Variants in RUNX1 observed in about 807,000 individuals in gnomAD.
RUNX1 encodes the protein runt-related transcription factor 1.
A neutral mutation model predicts 42.8 loss-of-function variants in RUNX1; 19 were observed. The observed-to-expected ratio is 0.44, with a 90% confidence interval of 0.31 to 0.65. The LOEUF is 0.65. Among genes scored for constraint, RUNX1 ranks in the 30% least tolerant of loss-of-function variants. The pLI is 0.07. For missense variants in RUNX1, 528 were observed against 672.0 expected, an observed-to-expected ratio of 0.79 and a Z score of 2.37; for synonymous variants, 271 against 289.4, an observed-to-expected ratio of 0.94 and a Z score of 0.64.
intron 2 of RUNX1, among the ~76,000 whole-genome samples, chr21:34,948,087 C>CTT (rs368333100): frequency 5.8e-5 from 8 of 137,122 alleles, no homozygotes; most frequent in African/African-American, 2.0e-4. Flanking sequence ...CAAAAGAAAT[C>CTT]TTTTTTTTTT....
intron 2 of RUNX1, among the ~76,000 whole-genome samples, chr21:34,938,263 C>T (rs1409803719): frequency 6.6e-6 from 1 of 152,182 alleles, no homozygotes; most frequent in Non-Finnish European, 1.5e-5. Flanking sequence ...TCTTCTTTCA[C>T]TGAGTCATCC....
chr21:34,868,797 A>C (rs1569069711), intron 5 of RUNX1, among the ~76,000 whole-genome samples: 1 of 152,216 alleles, frequency 6.6e-6, no homozygotes, highest in African/African-American at 2.4e-5. Context: ...TGACCGTCGT[A>C]TTTCTCATGC....
chr21:34,886,626 C>T (rs943716908), intron 4 of RUNX1, among the ~76,000 whole-genome samples: 1 of 152,262 alleles, frequency 6.6e-6, no homozygotes, highest in African/African-American at 2.4e-5. Flanking sequence ...GTTTTCAGCC[C>T]TCCTGGGAGG....
chr21:34,944,201 G>C (rs1353456288), intron 2 of RUNX1, among the ~76,000 whole-genome samples: 1 of 152,046 alleles, frequency 6.6e-6, no homozygotes, highest in Admixed American at 6.5e-5. Flanking sequence ...GTAAAGGTGG[G>C]GTCTCACTAT....
chr21:34,920,339 G>A (rs905630969), intron 2 of RUNX1, among the ~76,000 whole-genome samples: 5 of 152,134 alleles, frequency 3.3e-5, no homozygotes, highest in African/African-American at 1.2e-4. Context: ...TAGAGACGGT[G>A]ATTGTCCCAT....
intron 7 of RUNX1, among the ~76,000 whole-genome samples, chr21:34,832,240 T>C (rs1210539716): frequency 6.6e-6 from 1 of 152,196 alleles, no homozygotes; most frequent in Non-Finnish European, 1.5e-5. Flanking sequence ...CGGTCCACAA[T>C]AATGCTTTTG....
At chr21:35,009,688 A>G (rs891817445) in intron 2 of RUNX1, among the ~76,000 whole-genome samples, 3 of 152,188 alleles carry the variant, frequency 2.0e-5, no homozygotes, top group South Asian at 2.1e-4. Flanking sequence ...GGCCCTGCTC[A>G]TTCCTCTTGC....
chr21:34,906,694 A>T (rs1232026788), intron 2 of RUNX1, among the ~76,000 whole-genome samples: 1 of 152,208 alleles, frequency 6.6e-6, no homozygotes, highest in East Asian at 1.9e-4. Context: ...TCATTGAATA[A>T]GTTTCATAGA....
intron 2 of RUNX1, among the ~76,000 whole-genome samples, chr21:34,916,528 G>GTTA (rs376221602): frequency 2.0e-5 from 3 of 152,280 alleles, no homozygotes; most frequent in South Asian, 4.2e-4. Context: ...TAAGGCAAGT[G>GTTA]TTATGGGAGC....
Position 34,789,642 on chromosome 21 carries a change from C to T in RUNX1, c.*2493G>A, listed in dbSNP as rs1042354487. ...CATACAAAAATGTGTTGCGTGAGAC[C>T]TATCGCCAAAACAACTACAGTTTGA... On this transcript the variant is annotated 3_prime_UTR_variant, in exon 9 of 9. Coordinates refer to ENST00000675419, the MANE Select transcript of RUNX1 (RefSeq NM_001754.5). 4.3e-5 allele frequency: 10 copies of T among 233,354 alleles called. No individual in the cohort carries two copies. Among genetic ancestry groups the T allele is most frequent in the Middle Eastern group, 1.3e-3 (1 of 786 alleles). 14.5% of individuals were successfully genotyped at this position (233,354 alleles called of 1,614,324 possible).
intron 3 of RUNX1, chr21:34,889,831 C>A: frequency 9.0e-7 from 1 of 1,113,462 alleles, no homozygotes; most frequent in Non-Finnish European, 1.1e-6. Flanking sequence ...GAGGCTGCTC[C>A]CGTCACCATG....
intron 7 of RUNX1, chr21:34,821,431 G>C: frequency 7.5e-7 from 1 of 1,336,208 alleles, no homozygotes; most frequent in Non-Finnish European, 9.6e-7. Flanking sequence ...AGTGATTTCT[G>C]CAGGCTAACT....
At chr21:35,012,094 T>G (rs1432182807) in intron 2 of RUNX1, among the ~76,000 whole-genome samples, 1 of 152,246 alleles carries the variant, frequency 6.6e-6, no homozygotes. Context: ...TTGACTAAAG[T>G]AAATATGATC....
chr21:34,993,498 TACAC>T (rs71324340), intron 2 of RUNX1, among the ~76,000 whole-genome samples: 20,293 of 128,346 alleles, frequency 0.16, 2,045 homozygotes, highest in Admixed American at 0.24. Context: ...TGTTTGTCCC[TACAC>T]ACACACACAC....
intron 2 of RUNX1, among the ~76,000 whole-genome samples, chr21:35,000,522 G>A (rs1380046375): frequency 6.6e-6 from 1 of 152,110 alleles, no homozygotes; most frequent in Non-Finnish European, 1.5e-5. Flanking sequence ...TTACAGGCGT[G>A]AGCCACCGCA....
intron 5 of RUNX1, among the ~76,000 whole-genome samples, chr21:34,876,743 G>C (rs553047392): frequency 5.3e-5 from 8 of 152,186 alleles, no homozygotes; most frequent in Non-Finnish European, 7.3e-5. Flanking sequence ...TTTCTTCTTT[G>C]GTTCTGAAAT....
At chr21:34,827,906 A>G (rs1311889400) in intron 7 of RUNX1, among the ~76,000 whole-genome samples, 1 of 152,220 alleles carries the variant, frequency 6.6e-6, no homozygotes, top group African/African-American at 2.4e-5. Flanking sequence ...ACAGGGGAAT[A>G]CCACTGCAGA....
chr21:34,872,877 T>C (rs2057760130), intron 5 of RUNX1, among the ~76,000 whole-genome samples: 1 of 151,364 alleles, frequency 6.6e-6, no homozygotes, highest in African/African-American at 2.4e-5. Context: ...CTTCTGGGAG[T>C]CAAATCACCC....
chr21:34,916,580 G>A (rs2058313928), intron 2 of RUNX1, among the ~76,000 whole-genome samples: 1 of 152,216 alleles, frequency 6.6e-6, no homozygotes, highest in Non-Finnish European at 1.5e-5. Context: ...AAGGGCTGAG[G>A]AGGGAGGCTC....
Sources: gnomAD v4.1 joint callset for allele counts (sites outside exome capture counted in the v4.1 genomes callset) on GRCh38, gnomAD v4.1.1 for gene constraint, MANE v1.5 for transcripts, NCBI Gene and HGNC (gene_info 2026-07-23, HGNC 2026-07-21) for gene names.